The following ANAPC4 variants were observed in gnomAD, a reference collection of about 807,000 sequenced individuals.
ANAPC4 encodes the protein anaphase-promoting complex subunit 4.
ANAPC4 carries 63 observed loss-of-function variants against 119.8 expected under a neutral mutation model. The observed-to-expected ratio is 0.53, with a 90% CI of 0.43 to 0.65. ANAPC4 has a LOEUF of 0.65. Among genes scored for constraint, ANAPC4 ranks in the 30% least tolerant of loss-of-function variants. The pLI is 0.00. For synonymous variants in ANAPC4, 283 were observed against 318.6 expected (o/e 0.89, Z 1.19); for missense variants, 716 against 945.1 (o/e 0.76, Z 3.18).
intron 16 of ANAPC4, among the ~76,000 whole-genome samples, chr4:25,399,979 C>A (rs1006194996): frequency 6.6e-6 from 1 of 152,116 alleles, no homozygotes; most frequent in Non-Finnish European, 1.5e-5. Flanking sequence ...GATGCTAAGT[C>A]AAGCAAGGGA....
At chr4:25,384,899 A>G (rs1181368850) in intron 4 of ANAPC4, among the ~76,000 whole-genome samples, 1 of 152,200 alleles carries the variant, frequency 6.6e-6, no homozygotes, top group African/African-American at 2.4e-5. Flanking sequence ...TTAATCTTAT[A>G]TATCTCTATC....
In ANAPC4 at chr4:25,411,266, A is replaced by G. The variant is rs566089525; in HGVS notation, c.1525+1475A>G. 6.6e-5 allele frequency among the ~76,000 whole-genome samples: 10 copies of G among 152,302 alleles called. No individual in the cohort carries two copies. The South Asian group carries it at 2.1e-3, about 32-fold the overall frequency. The stretch of plus-strand genomic sequence containing the variant: ...TGGAGAGGGTCAGTGGCAGTGCGTC[A>G]AGAGTAGTGGCACCTGGACCCTGTT... On this transcript the variant is annotated intron_variant, in intron 21 of 28. Transcript: ENST00000315368.
intron 7 of ANAPC4, among the ~76,000 whole-genome samples, chr4:25,389,779 T>C (rs1336063984): frequency 6.6e-6 from 1 of 152,214 alleles, no homozygotes; most frequent in Non-Finnish European, 1.5e-5. Context: ...TTTAAGCCCA[T>C]TTAATATATT....
In ANAPC4 at chr4:25,396,831, T is replaced by C; in HGVS notation, c.1163-17T>C. Reference sequence around the variant, plus strand: ...TACTTATTTGACAAATGACGTTTATTTATTTTTTCCCTTTAGAAGCTATAA... The same window carrying C: ...TACTTATTTGACAAATGACGTTTATCTATTTTTTCCCTTTAGAAGCTATAA... On this transcript the variant is annotated splice_polypyrimidine_tract_variant and intron_variant, in intron 15 of 28. Transcript: ENST00000315368. 1 of 1,609,662 alleles carries C rather than the reference T, an allele frequency of 6.2e-7. No individual in the cohort carries two copies. Among genetic ancestry groups the C allele is most frequent in the African/African-American group, 1.3e-5 (1 of 74,606 alleles).
intron 2 of ANAPC4, among the ~76,000 whole-genome samples, chr4:25,378,928 C>T (rs779001231): frequency 6.6e-6 from 1 of 152,138 alleles, no homozygotes; most frequent in African/African-American, 2.4e-5. Context: ...GTTGAAGTTA[C>T]GTGCAAGAGG....
chr4:25,412,120 CAT>C (rs1481733404), intron 21 of ANAPC4, among the ~76,000 whole-genome samples: 3 of 152,042 alleles, frequency 2.0e-5, no homozygotes, highest in Non-Finnish European at 2.9e-5. Flanking sequence ...CTCCGGGAAA[CAT>C]ATAATTTTTG....
chr4:25,384,773 A>C (rs1721939107), intron 4 of ANAPC4, among the ~76,000 whole-genome samples: 1 of 151,416 alleles, frequency 6.6e-6, no homozygotes, highest in South Asian at 2.1e-4. Context: ...ACTGCACTCC[A>C]ACCTGGGTGA....
chr4:25,414,671 C>T lies in ANAPC4; in HGVS notation c.1797C>T (p.Cys599=), dbSNP rs1403994757. Residue 599 remains cysteine, a synonymous_variant, in exon 25 of 29, where the codon TGC becomes TGT. Transcript: ENST00000315368. ...TAGAAGATTCACTTTATAAAATGTG[C>T]ATCTTAAGGAGACATACTGATATTT... ...TILEDSLYKM[C]ILRRHTDISQ... The T allele has an allele frequency of 2.6e-6, 4 of 1,542,992 alleles. No homozygotes were observed. The South Asian group carries it at 3.6e-5, about 14-fold the overall frequency.
At position 25,418,402 on chromosome 4, in the gene ANAPC4, G is replaced by T. The variant is rs761807153; in HGVS notation, c.*20G>T. On this transcript the variant is annotated 3_prime_UTR_variant, in exon 29 of 29. Transcript: ENST00000315368. The stretch of plus-strand genomic sequence containing the variant: ...TCCTAATCTAGCTTGCCATTATTGT[G>T]TGTGTAATTATGGCCAAAAGGACAT... 16 of 1,608,714 alleles carry T rather than the reference G, an allele frequency of 9.9e-6. No individual in the cohort carries two copies. The South Asian group carries it at 1.8e-4, about 18-fold the overall frequency.
chr4:25,377,460 C>T lies in ANAPC4; in HGVS notation c.33C>T (p.Phe11=), dbSNP rs1721468899. MLRFPTCFPS[F]RVVGEKQLPQ... is the part of the protein sequence containing the mutation. The stretch of plus-strand genomic sequence containing the variant: ...GTTTTCCGACCTGTTTCCCATCCTT[C>T]CGGGTGGTGGGAGAGAAGCAGCTCC... The change falls in exon 2 of 29, where the codon TTC becomes TTT. Residue 11 remains phenylalanine (F), a synonymous_variant. Transcript: ENST00000315368. 1 of 1,614,166 alleles carries T rather than the reference C, an allele frequency of 6.2e-7. No homozygotes were observed. The highest frequency in any genetic ancestry group is 8.5e-7 in the Non-Finnish European group (1 of 1,180,002).
chr4:25,389,688 TA>T (rs1391313686), intron 7 of ANAPC4, among the ~76,000 whole-genome samples: 105 of 152,342 alleles, frequency 6.9e-4, no homozygotes, highest in African/African-American at 2.5e-3. Context: ...GTTTTAATAA[TA>T]ATATGATGTA....
intron 17 of ANAPC4, among the ~76,000 whole-genome samples, chr4:25,403,928 G>A (rs1302264576): frequency 6.6e-6 from 1 of 152,210 alleles, no homozygotes; most frequent in Admixed American, 6.5e-5. Flanking sequence ...TCACTCTGCA[G>A]TATATGCATA....
intron 16 of ANAPC4, among the ~76,000 whole-genome samples, chr4:25,400,079 T>C (rs955204771): frequency 6.6e-6 from 1 of 152,194 alleles, no homozygotes; most frequent in Admixed American, 6.5e-5. Context: ...GCTGGTACGA[T>C]ACAGAATAAG....
rs1721466945 is a variant in ANAPC4, at chr4:25,377,436, T to C, written c.9T>C (p.Arg3=). ...GTTGCAGGGCCGTCCCCATGTTGCG[T>C]TTTCCGACCTGTTTCCCATCCTTCC... ML[R]FPTCFPSFRV... Residue 3 remains arginine, a synonymous_variant, in exon 2 of 29, where the codon CGT becomes CGC. Transcript: ENST00000315368. 6.2e-7 allele frequency: 1 copy of C among 1,613,928 alleles called. No homozygotes were observed.
Position 25,388,919 on chromosome 4 carries a change from G to A in ANAPC4, c.515+37G>A, listed in dbSNP as rs759960480. Reference sequence around the variant, plus strand: ...AGATAAATAAGTCTAATTTCTTAAAGTTATTTCATATTTGAGGCAGTTTTC... The same window carrying A: ...AGATAAATAAGTCTAATTTCTTAAAATTATTTCATATTTGAGGCAGTTTTC... On this transcript the variant is annotated intron_variant, in intron 7 of 28. Transcript: ENST00000315368. 3 of 1,499,146 alleles carry A rather than the reference G, an allele frequency of 2.0e-6. No homozygotes were observed. In the South Asian group the frequency reaches 3.6e-5, roughly 18 times the overall value. The allele number at this position is 1,499,146 out of a possible 1,614,324, so 92.9% of individuals were successfully genotyped here. A position where few individuals can be genotyped will look rare whatever the true frequency, so the allele number is the denominator to read the frequency against.
chr4:25,379,984 TAGTG>T (rs1312605820), intron 2 of ANAPC4, among the ~76,000 whole-genome samples: 2 of 152,246 alleles, frequency 1.3e-5, no homozygotes, highest in Non-Finnish European at 2.9e-5. Context: ...GATCCATGGC[TAGTG>T]AGTGACACAG....
chr4:25,400,394 A>G (rs12499261), intron 16 of ANAPC4, among the ~76,000 whole-genome samples: 61,825 of 151,994 alleles, frequency 0.41, 14,617 homozygotes, highest in Non-Finnish European at 0.52. Flanking sequence ...AGGCCAGTGT[A>G]TGAGCAGGTG....
chr4:25,385,888 A>G (rs1243484594), intron 4 of ANAPC4, among the ~76,000 whole-genome samples: 1 of 152,170 alleles, frequency 6.6e-6, no homozygotes, highest in African/African-American at 2.4e-5. Flanking sequence ...TAGAGCAGTT[A>G]GAACACTCAC....
chr4:25,394,196 G>T (rs1722509247), intron 11 of ANAPC4, 114 bp from the exon 12 acceptor site: 1 of 864,768 alleles, frequency 1.2e-6, no homozygotes, highest in Non-Finnish European at 1.8e-6. Flanking sequence ...TCACTTTATG[G>T]ATTTGATGGA....
Sources: gnomAD v4.1 joint callset for allele counts (sites outside exome capture counted in the v4.1 genomes callset) on GRCh38, gnomAD v4.1.1 for gene constraint, MANE v1.5 for transcripts, NCBI Gene and HGNC (gene_info 2026-07-23, HGNC 2026-07-21) for gene names.